The following SLC25A21 variants were observed in gnomAD, a reference collection of about 807,000 sequenced individuals.
SLC25A21 encodes solute carrier family 25 member 21, also known as mitochondrial 2-oxodicarboxylate carrier.
A neutral mutation model predicts 43.8 loss-of-function variants in SLC25A21; 47 were observed. The ratio of observed to expected loss-of-function variants is 1.07; its 90% CI spans 0.85 to 1.37. SLC25A21 has a LOEUF of 1.37. Among genes scored for constraint, SLC25A21 ranks in the 40% most tolerant of loss-of-function variants. SLC25A21 has a pLI of 0.00. For synonymous variants in SLC25A21, 131 were observed against 121.3 expected (o/e 1.08, Z -0.52); for missense variants, 352 against 350.2 (o/e 1.00, Z -0.04).
chr14:37,097,780 A>G (rs1214202799), intron 1 of SLC25A21: 1 of 152,112 alleles, frequency 6.6e-6, no homozygotes, highest in Non-Finnish European at 1.5e-5. Context: ...GCTACTCAGG[A>G]GGCTGAGTCG....
intron 3 of SLC25A21, among the ~76,000 whole-genome samples, chr14:36,758,590 CAAAAAAA>C (rs11314165): frequency 7.8e-6 from 1 of 127,702 alleles, no homozygotes; most frequent in African/African-American, 3.1e-5. Flanking sequence ...TCAGCCAGGT[CAAAAAAA>C]AAAAAAAAAA....
intron 1 of SLC25A21, among the ~76,000 whole-genome samples, chr14:37,025,385 T>C (rs916945238): frequency 1.3e-5 from 2 of 152,136 alleles, no homozygotes; most frequent in Admixed American, 1.3e-4. Context: ...AAAGACATTA[T>C]TATTGTTATC....
intron 1 of SLC25A21, among the ~76,000 whole-genome samples, chr14:37,093,584 G>A (rs867280796): frequency 1.3e-4 from 20 of 152,190 alleles, no homozygotes; most frequent in South Asian, 4.1e-4. Context: ...CACAGGTGGC[G>A]AACTGCTTTG....
chr14:37,100,026 CTA>C (rs751183273), intron 1 of SLC25A21, among the ~76,000 whole-genome samples: 2,121 of 140,182 alleles, frequency 0.015, 27 homozygotes, highest in Non-Finnish European at 0.021. Context: ...GCCACCACCT[CTA>C]TGTTTGTTTG....
chr14:36,931,732 A>C (rs1892298361), intron 1 of SLC25A21, among the ~76,000 whole-genome samples: 1 of 109,546 alleles, frequency 9.1e-6, no homozygotes, highest in African/African-American at 3.5e-5. Flanking sequence ...GTAAATTCAA[A>C]AGACATGGAG....
chr14:36,943,437 C>T (rs1457503677), intron 1 of SLC25A21, among the ~76,000 whole-genome samples: 5 of 152,220 alleles, frequency 3.3e-5, no homozygotes, highest in Non-Finnish European at 5.9e-5. Context: ...TGTGATCTGC[C>T]CGCCTTGGCC....
At chr14:36,714,137 C>T (rs1042376999) in intron 6 of SLC25A21, among the ~76,000 whole-genome samples, 2 of 152,132 alleles carry the variant, frequency 1.3e-5, no homozygotes, top group African/African-American at 4.8e-5. Context: ...TAGGTGTTAA[C>T]GATAATGGCA....
chr14:36,885,610 T>C (rs1708826025), intron 1 of SLC25A21, among the ~76,000 whole-genome samples: 1 of 152,230 alleles, frequency 6.6e-6, no homozygotes, highest in South Asian at 2.1e-4. Flanking sequence ...TATCTTTCCA[T>C]TTACTTGTAT....
At chr14:37,086,334 T>C (rs1052479383) in intron 1 of SLC25A21, among the ~76,000 whole-genome samples, 1 of 152,176 alleles carries the variant, frequency 6.6e-6, no homozygotes, top group Admixed American at 6.5e-5. Context: ...TTGACCATAC[T>C]GCTAGCCTTC....
chr14:36,678,705 A>G lies in SLC25A21; in HGVS notation c.*1953T>C. 1 of 1,226,778 alleles carries G rather than the reference A, an allele frequency of 8.2e-7. No homozygotes were observed. Among genetic ancestry groups the G allele is most frequent in the Non-Finnish European group, 1.0e-6 (1 of 982,144 alleles). 76.0% of individuals were successfully genotyped at this position (1,226,778 alleles called of 1,614,324 possible). A position where few individuals can be genotyped will look rare whatever the true frequency, so the allele number is the denominator to read the frequency against. On this transcript the variant is annotated 3_prime_UTR_variant, in exon 10 of 10. Transcript: ENST00000331299. ...AAATGCAAATAATGTTATTTTCTTT[A>G]TCTAAATTAAGAAATCTCTTGTTAT...
At chr14:37,106,235 G>C (rs1357307956) in intron 1 of SLC25A21, among the ~76,000 whole-genome samples, 7 of 152,080 alleles carry the variant, frequency 4.6e-5, no homozygotes, top group Admixed American at 4.6e-4. Flanking sequence ...ACTGCCTGTG[G>C]GGTCGGGCAA....
chr14:36,720,017 G>A (rs1281901189), intron 6 of SLC25A21, among the ~76,000 whole-genome samples: 1 of 152,106 alleles, frequency 6.6e-6, no homozygotes. Context: ...CGGCTACAGG[G>A]GCCCTTGATC....
intron 1 of SLC25A21, among the ~76,000 whole-genome samples, chr14:36,886,820 G>A (rs1890928199): frequency 6.6e-6 from 1 of 152,108 alleles, no homozygotes; most frequent in Non-Finnish European, 1.5e-5. Context: ...TAACTCAATA[G>A]AAGTTATTCT....
chr14:36,876,896 TATAGATAGATAGATAGATAGATAG>T (rs71449955), intron 1 of SLC25A21, among the ~76,000 whole-genome samples: 1 of 138,362 alleles, frequency 7.2e-6, no homozygotes, highest in Non-Finnish European at 1.6e-5. Flanking sequence ...ATGATGGGAT[TATAGATAGATAGATAGATAGATAG>T]ATAGATAGAT....
intron 3 of SLC25A21, among the ~76,000 whole-genome samples, chr14:36,777,243 G>A (rs1886870212): frequency 6.6e-6 from 1 of 152,104 alleles, no homozygotes; most frequent in African/African-American, 2.4e-5. Context: ...GGGCAACACA[G>A]CGAGACTCTG....
intron 1 of SLC25A21, among the ~76,000 whole-genome samples, chr14:37,147,783 C>T (rs1287677966): frequency 6.6e-6 from 1 of 151,622 alleles, no homozygotes; most frequent in Non-Finnish European, 1.5e-5. Context: ...TAGGGCATTA[C>T]ATGAGACCAC....
Position 37,120,117 on chromosome 14 carries a change from T to C in SLC25A21, c.70+52164A>G, listed in dbSNP as rs111611837. 2.0e-3 allele frequency among the ~76,000 whole-genome samples: 305 copies of C among 152,296 alleles called. 1 individual carries two copies. Among genetic ancestry groups the C allele is most frequent in the African/African-American group, 6.9e-3 (285 of 41,564 alleles). ...ATATTTTTATACCTTCTAAATTTAA[T>C]AATTCAAAACGTCAAGACAGCTTTT... On this transcript the variant is annotated intron_variant, in intron 1 of 9. Coordinates refer to ENST00000331299, the MANE Select transcript of SLC25A21 (RefSeq NM_030631.4).
At chr14:37,013,918 A>T (rs1960789460) in intron 1 of SLC25A21, among the ~76,000 whole-genome samples, 1 of 152,150 alleles carries the variant, frequency 6.6e-6, no homozygotes, top group South Asian at 2.1e-4. Context: ...TCACACCATT[A>T]AGTCTATTAG....
intron 1 of SLC25A21, among the ~76,000 whole-genome samples, chr14:37,054,604 G>A (rs529401803): frequency 1.3e-5 from 2 of 152,250 alleles, no homozygotes; most frequent in African/African-American, 2.4e-5. Flanking sequence ...GGGCTCTCAG[G>A]AGACTTGGTG....
Sources: gnomAD v4.1 joint callset for allele counts (sites outside exome capture counted in the v4.1 genomes callset) on GRCh38, gnomAD v4.1.1 for gene constraint, MANE v1.5 for transcripts, NCBI Gene and HGNC (gene_info 2026-07-23, HGNC 2026-07-21) for gene names.